TMEM117: variants seen among roughly 807,000 people sequenced by gnomAD.
TMEM117 encodes transmembrane protein 117.
TMEM117 carries 27 observed loss-of-function variants against 52.4 expected under a neutral mutation model. The ratio of observed to expected loss-of-function variants is 0.51; its 90% CI spans 0.38 to 0.71. TMEM117 has a LOEUF of 0.71. Among genes scored for constraint, TMEM117 ranks in the 30% least tolerant of loss-of-function variants. TMEM117 has a pLI of 0.00. For synonymous variants in TMEM117, 215 were observed against 206.3 expected, an observed-to-expected ratio of 1.04 and a Z score of -0.36; for missense variants, 556 against 630.5, an observed-to-expected ratio of 0.88 and a Z score of 1.26.
intron 2 of TMEM117, among the ~76,000 whole-genome samples, chr12:43,869,921 C>T (rs1191600498): frequency 6.6e-6 from 1 of 152,112 alleles, no homozygotes; most frequent in Non-Finnish European, 1.5e-5. Flanking sequence ...TCTCCCACCA[C>T]CCCCCATACT....
At chr12:44,053,426 TATCAATATGTTC>T (rs368835555) in intron 3 of TMEM117, among the ~76,000 whole-genome samples, 184 of 152,320 alleles carry the variant, frequency 1.2e-3, no homozygotes, top group African/African-American at 4.3e-3. Flanking sequence ...CTTTCTAGCA[TATCAATATGTTC>T]ACCAACCAGT....
At chr12:44,298,455 C>G (rs542718115) in intron 5 of TMEM117, among the ~76,000 whole-genome samples, 1 of 150,084 alleles carries the variant, frequency 6.7e-6, no homozygotes, top group Admixed American at 6.6e-5. Flanking sequence ...CAATATCTAG[C>G]CATCAATATA....
In TMEM117 at chr12:44,388,724, T is replaced by C. The variant is rs185536396; in HGVS notation, c.*52T>C. 142 of 1,571,716 alleles carry C rather than the reference T, an allele frequency of 9.0e-5. No individual in the cohort carries two copies. Among genetic ancestry groups the C allele is most frequent in the Non-Finnish European group, 1.1e-4 (133 of 1,160,854 alleles). ...CAAAAAGCAACCTTGAGTGTAACTT[T>C]AAAAATTTAGTCTTTCCTTTTGTAT... On this transcript the variant is annotated 3_prime_UTR_variant, in exon 8 of 8. Coordinates refer to ENST00000266534, the MANE Select transcript of TMEM117 (RefSeq NM_032256.3).
chr12:44,061,300 C>T (rs1311640140), intron 3 of TMEM117, among the ~76,000 whole-genome samples: 1 of 152,076 alleles, frequency 6.6e-6, no homozygotes, highest in African/African-American at 2.4e-5. Flanking sequence ...TTCTTTGCAA[C>T]TCACGAGAAT....
At chr12:44,190,613 G>A (rs1949338184) in intron 4 of TMEM117, among the ~76,000 whole-genome samples, 1 of 152,028 alleles carries the variant, frequency 6.6e-6, no homozygotes, top group South Asian at 2.1e-4. Flanking sequence ...GAGATTTACA[G>A]CTCCTTATTC....
At chr12:44,025,066 C>G (rs1316385870) in intron 3 of TMEM117, among the ~76,000 whole-genome samples, 1 of 152,118 alleles carries the variant, frequency 6.6e-6, no homozygotes, top group Non-Finnish European at 1.5e-5. Context: ...AGTGATTGAC[C>G]TTAGGCAAGT....
intron 3 of TMEM117, among the ~76,000 whole-genome samples, chr12:44,047,111 T>C (rs1946892039): frequency 6.6e-6 from 1 of 151,752 alleles, no homozygotes; most frequent in Non-Finnish European, 1.5e-5. Context: ...ATTAATATTT[T>C]AGTGTATATA....
At chr12:44,301,473 T>C (rs556763301) in intron 6 of TMEM117, among the ~76,000 whole-genome samples, 7 of 152,104 alleles carry the variant, frequency 4.6e-5, no homozygotes, top group Non-Finnish European at 8.8e-5. Flanking sequence ...TGACCGACGA[T>C]GAAGAGTTTA....
chr12:44,069,044 C>G (rs1051268958), intron 3 of TMEM117, among the ~76,000 whole-genome samples: 1 of 152,122 alleles, frequency 6.6e-6, no homozygotes, highest in African/African-American at 2.4e-5. Context: ...AGGAGAATCA[C>G]CATTAAAATC....
At chr12:44,310,253 A>G (rs760495424) in intron 6 of TMEM117, among the ~76,000 whole-genome samples, 4 of 152,236 alleles carry the variant, frequency 2.6e-5, no homozygotes, top group Non-Finnish European at 5.9e-5. Flanking sequence ...ATGACGGTAT[A>G]TAAAGAATTT....
At chr12:44,099,996 C>A (rs940683749) in intron 3 of TMEM117, among the ~76,000 whole-genome samples, 2 of 151,752 alleles carry the variant, frequency 1.3e-5, no homozygotes, top group East Asian at 3.9e-4. Flanking sequence ...TAAAAAAAAG[C>A]CTTTGGGGGT....
At chr12:43,823,219 C>T in the TMEM117 span, among the ~76,000 whole-genome samples, 4,235 of 152,196 alleles carry the variant, frequency 0.028, 103 homozygotes, top group Non-Finnish European at 0.037. Context: ...TTCATTTAAT[C>T]CTCACTGCAG....
intron 4 of TMEM117, among the ~76,000 whole-genome samples, chr12:44,158,764 TA>T (rs200884697): frequency 4.6e-5 from 7 of 151,410 alleles, no homozygotes; most frequent in South Asian, 2.1e-4. Context: ...TTGGGAACTT[TA>T]AAAAAAAATA....
intron 5 of TMEM117, among the ~76,000 whole-genome samples, chr12:44,230,419 A>G (rs1000888130): frequency 6.6e-6 from 1 of 151,916 alleles, no homozygotes; most frequent in African/African-American, 2.4e-5. Flanking sequence ...TTTCACCTCT[A>G]CATCCAATCA....
intron 5 of TMEM117, among the ~76,000 whole-genome samples, chr12:44,260,015 C>G (rs1950303496): frequency 6.6e-6 from 1 of 152,138 alleles, no homozygotes; most frequent in African/African-American, 2.4e-5. Flanking sequence ...CCTCCCTTGA[C>G]TAGGTTCTGC....
chr12:43,917,344 G>T (rs1437663054), intron 2 of TMEM117, among the ~76,000 whole-genome samples: 5 of 151,894 alleles, frequency 3.3e-5, no homozygotes, highest in Non-Finnish European at 5.9e-5. Flanking sequence ...GAGGCTGCAA[G>T]ATCTTGTCTC....
intron 3 of TMEM117, among the ~76,000 whole-genome samples, chr12:44,133,421 G>A (rs1191205351): frequency 6.6e-6 from 1 of 152,182 alleles, no homozygotes; most frequent in Non-Finnish European, 1.5e-5. Context: ...AACTTACTGA[G>A]TTATTTGGAG....
intron 3 of TMEM117, among the ~76,000 whole-genome samples, chr12:44,044,748 C>G (rs1411400414): frequency 6.6e-6 from 1 of 152,206 alleles, no homozygotes; most frequent in Non-Finnish European, 1.5e-5. Context: ...ACTACAGCCC[C>G]TTTCTAGGAC....
At chr12:43,822,438 A>G in the TMEM117 span, among the ~76,000 whole-genome samples, 1 of 151,398 alleles carries the variant, frequency 6.6e-6, no homozygotes, top group Non-Finnish European at 1.5e-5. Context: ...GTGTAATTTT[A>G]TAGATGGCCA....
Sources: gnomAD v4.1 joint callset for allele counts (sites outside exome capture counted in the v4.1 genomes callset) on GRCh38, gnomAD v4.1.1 for gene constraint, MANE v1.5 for transcripts, NCBI Gene and HGNC (gene_info 2026-07-23, HGNC 2026-07-21) for gene names.